CDH18: variants seen among roughly 807,000 people sequenced by gnomAD.
The protein encoded by CDH18 is cadherin-18.
CDH18 carries 31 observed loss-of-function variants against 67.9 expected under a neutral mutation model. That is an observed-to-expected ratio of 0.46 (90% confidence interval 0.34 to 0.62). The LOEUF is 0.62. CDH18 is among the 20% of genes least tolerant of loss of function. CDH18 has a pLI of 0.01. For synonymous variants in CDH18, 362 were observed against 347.2 expected (o/e 1.04, Z -0.48); for missense variants, 890 against 975.5 (o/e 0.91, Z 1.17).
At chr5:20,170,970 T>C (rs1391495898) in intron 2 of CDH18, among the ~76,000 whole-genome samples, 1 of 152,100 alleles carries the variant, frequency 6.6e-6, no homozygotes, top group East Asian at 1.9e-4. Flanking sequence ...TAGTTATCTG[T>C]TCCTGCATTA....
chr5:19,803,912 G>A (rs1200243581), intron 3 of CDH18: 2 of 152,066 alleles, frequency 1.3e-5, no homozygotes, highest in Middle Eastern at 3.1e-3. Flanking sequence ...ACGAGGTCAG[G>A]AGATCAAGAC....
chr5:20,444,879 A>G (rs1438577854), intron 1 of CDH18, among the ~76,000 whole-genome samples: 1 of 152,062 alleles, frequency 6.6e-6, no homozygotes, highest in South Asian at 2.1e-4. Flanking sequence ...GCAGTCAAGT[A>G]TAAATTTGAG....
chr5:20,439,525 CTTA>C, intron 1 of CDH18, among the ~76,000 whole-genome samples: 1 of 151,456 alleles, frequency 6.6e-6, no homozygotes, highest in East Asian at 1.9e-4. Flanking sequence ...CAGCGTATTT[CTTA>C]TGTTTTCTAG....
intron 1 of CDH18, among the ~76,000 whole-genome samples, chr5:20,489,308 A>AAT (rs1753434547): frequency 6.6e-6 from 1 of 152,086 alleles, no homozygotes; most frequent in Non-Finnish European, 1.5e-5. Flanking sequence ...ACCAGACAAT[A>AAT]ATACTACATG....
intron 2 of CDH18, among the ~76,000 whole-genome samples, chr5:20,217,934 G>C (rs1033684573): frequency 6.6e-6 from 1 of 151,858 alleles, no homozygotes; most frequent in African/African-American, 2.4e-5. Flanking sequence ...ATTATATAAT[G>C]ATAAAGGAGT....
intron 2 of CDH18, among the ~76,000 whole-genome samples, chr5:20,096,651 T>G (rs1746017202): frequency 6.6e-6 from 1 of 152,124 alleles, no homozygotes; most frequent in Non-Finnish European, 1.5e-5. Context: ...ACTTAAAAAT[T>G]AGAAGTCATT....
At chr5:19,696,596 A>G (rs556605054) in intron 5 of CDH18, among the ~76,000 whole-genome samples, 9 of 151,370 alleles carry the variant, frequency 5.9e-5, no homozygotes, top group Non-Finnish European at 8.8e-5. Flanking sequence ...AGGTTTCACC[A>G]TGTTAGCCAG....
chr5:20,526,196 A>G (rs1243884805), intron 1 of CDH18, among the ~76,000 whole-genome samples: 1 of 151,976 alleles, frequency 6.6e-6, no homozygotes, highest in Non-Finnish European at 1.5e-5. Flanking sequence ...AACCCTTTTC[A>G]CCAGGCAGGG....
chr5:20,094,212 T>A (rs1054619663), intron 2 of CDH18, among the ~76,000 whole-genome samples: 1 of 152,222 alleles, frequency 6.6e-6, no homozygotes, highest in Non-Finnish European at 1.5e-5. Context: ...ATGTTCCTCC[T>A]GTCTAGCCAC....
At chr5:20,239,192 T>C (rs138872794) in intron 2 of CDH18, among the ~76,000 whole-genome samples, 1 of 152,172 alleles carries the variant, frequency 6.6e-6, no homozygotes, top group Non-Finnish European at 1.5e-5. Context: ...TGGTGGCTCA[T>C]GCCTGTAATC....
At chr5:20,137,068 G>T (rs1041046508) in intron 2 of CDH18, among the ~76,000 whole-genome samples, 15 of 152,016 alleles carry the variant, frequency 9.9e-5, no homozygotes, top group South Asian at 6.2e-4. Flanking sequence ...TCTTGGAGTT[G>T]CTCTTCTCAA....
chr5:20,546,320 C>T (rs1242408852), intron 1 of CDH18, among the ~76,000 whole-genome samples: 2 of 152,024 alleles, frequency 1.3e-5, no homozygotes, highest in Non-Finnish European at 2.9e-5. Flanking sequence ...AACTCATTTC[C>T]ACATTTTCAG....
intron 1 of CDH18, among the ~76,000 whole-genome samples, chr5:20,451,946 C>T (rs943236685): frequency 1.3e-5 from 2 of 152,106 alleles, no homozygotes; most frequent in African/African-American, 2.4e-5. Flanking sequence ...AAGAGCTACT[C>T]GTCTTCCCAT....
chr5:20,057,335 CT>C (rs1742084167), intron 2 of CDH18, among the ~76,000 whole-genome samples: 1 of 151,984 alleles, frequency 6.6e-6, no homozygotes, highest in Admixed American at 6.6e-5. Flanking sequence ...ATCTTTTTTT[CT>C]GTATGAATTT....
chr5:19,886,708 G>A (rs1209549952), intron 2 of CDH18, among the ~76,000 whole-genome samples: 2 of 152,132 alleles, frequency 1.3e-5, no homozygotes, highest in Admixed American at 6.6e-5. Flanking sequence ...TAAAGTGAAA[G>A]CACCTGTGTA....
At chr5:20,440,584 T>A (rs1327104913) in intron 1 of CDH18, among the ~76,000 whole-genome samples, 1 of 152,022 alleles carries the variant, frequency 6.6e-6, no homozygotes. Flanking sequence ...AGAACTAATG[T>A]AAGAATTTGC....
At chr5:19,686,623 T>C (rs970194623) in intron 5 of CDH18, among the ~76,000 whole-genome samples, 3 of 152,136 alleles carry the variant, frequency 2.0e-5, no homozygotes, top group Admixed American at 6.6e-5. Context: ...ATGGATGAAA[T>C]TGTGTGTAAA....
At chr5:20,545,820 G>A (rs1019350460) in intron 1 of CDH18, among the ~76,000 whole-genome samples, 1 of 152,172 alleles carries the variant, frequency 6.6e-6, no homozygotes, top group African/African-American at 2.4e-5. Flanking sequence ...TCTGGGGCTG[G>A]CGTGAATAAT....
At chr5:20,468,246 C>T (rs1751799575) in intron 1 of CDH18, among the ~76,000 whole-genome samples, 1 of 152,050 alleles carries the variant, frequency 6.6e-6, no homozygotes, top group Admixed American at 6.6e-5. Flanking sequence ...GAAATCCTGA[C>T]CTCAAGTGAT....
Sources: gnomAD v4.1 joint callset for allele counts (sites outside exome capture counted in the v4.1 genomes callset) on GRCh38, gnomAD v4.1.1 for gene constraint, MANE v1.5 for transcripts, NCBI Gene and HGNC (gene_info 2026-07-23, HGNC 2026-07-21) for gene names.